The following MYOCD variants were observed in gnomAD, a reference collection of about 807,000 sequenced individuals.
MYOCD encodes the protein myocardin.
A neutral mutation model predicts 96.1 loss-of-function variants in MYOCD; 32 were observed. The ratio of observed to expected loss-of-function variants is 0.33; its 90% CI spans 0.25 to 0.45. The LOEUF is 0.45. Among genes scored for constraint, MYOCD ranks in the 20% least tolerant of loss-of-function variants. MYOCD has a pLI of 1.00. For missense variants in MYOCD, 1,133 were observed against 1,200.6 expected, an observed-to-expected ratio of 0.94 and a Z score of 0.83; for synonymous variants, 469 against 469.0, an observed-to-expected ratio of 1.00 and a Z score of 0.00.
chr17:12,691,708 A>G (rs1471578853), intron 1 of MYOCD, among the ~76,000 whole-genome samples: 1 of 152,198 alleles, frequency 6.6e-6, no homozygotes, highest in African/African-American at 2.4e-5. Context: ...TAATATGACT[A>G]AAGTTACTGT....
chr17:12,740,105 T>G (rs1285681838), intron 7 of MYOCD, among the ~76,000 whole-genome samples: 1 of 152,114 alleles, frequency 6.6e-6, no homozygotes, highest in Non-Finnish European at 1.5e-5. Context: ...CCGGCTAATT[T>G]TTTGTGTTTT....
chr17:12,694,361 G>A (rs1213500969), intron 1 of MYOCD, among the ~76,000 whole-genome samples: 2 of 152,194 alleles, frequency 1.3e-5, no homozygotes, highest in Non-Finnish European at 2.9e-5. Flanking sequence ...TCTGTCTGAA[G>A]TGTCAGGACT....
intron 12 of MYOCD, among the ~76,000 whole-genome samples, chr17:12,759,744 G>T (rs2033117720): frequency 6.6e-6 from 1 of 152,218 alleles, no homozygotes; most frequent in Non-Finnish European, 1.5e-5. Context: ...CTACTGCCAT[G>T]AGGAACCATC....
intron 1 of MYOCD, among the ~76,000 whole-genome samples, chr17:12,697,348 T>C (rs1472940979): frequency 1.2e-5 from 1 of 84,044 alleles, no homozygotes; most frequent in Non-Finnish European, 2.2e-5. Flanking sequence ...TATATATATA[T>C]ATATATATAT....
chr17:12,708,482 C>T (rs2031374903), intron 2 of MYOCD, among the ~76,000 whole-genome samples: 1 of 151,974 alleles, frequency 6.6e-6, no homozygotes, highest in Non-Finnish European at 1.5e-5. Flanking sequence ...CAACCTCCGT[C>T]TCCCAGGTTC....
At chr17:12,701,277 T>C (rs1275968486) in intron 1 of MYOCD, among the ~76,000 whole-genome samples, 1 of 152,136 alleles carries the variant, frequency 6.6e-6, no homozygotes, top group Admixed American at 6.6e-5. Flanking sequence ...CCTGGCATGG[T>C]GGTGCACGCT....
rs566146187 is a variant in MYOCD, at chr17:12,728,756, G to A, written c.415+5748G>A. 3.9e-5 allele frequency among the ~76,000 whole-genome samples: 6 copies of A among 152,316 alleles called. No homozygotes were observed. In the South Asian group the frequency reaches 1.0e-3, roughly 26 times the overall value. The stretch of plus-strand genomic sequence containing the variant: ...GGCCTCCCAAAGTGCTGAGATTACA[G>A]GCGTGAGCCACCGTGCCCAGCCAGT... On this transcript the variant is annotated intron_variant, in intron 5 of 13. Coordinates refer to ENST00000425538, the MANE Select transcript of MYOCD (RefSeq NM_001146312.3).
chr17:12,682,251 A>G (rs61526426), intron 1 of MYOCD, among the ~76,000 whole-genome samples: 17,881 of 152,236 alleles, frequency 0.12, 1,952 homozygotes, highest in African/African-American at 0.29. Context: ...AATGCCAGGC[A>G]AAGGAAAGAA....
intron 1 of MYOCD, among the ~76,000 whole-genome samples, chr17:12,668,047 T>G (rs2150623405): frequency 6.6e-6 from 1 of 152,336 alleles, no homozygotes; most frequent in South Asian, 2.1e-4. Flanking sequence ...AATGTAAAAC[T>G]TAGAAAATGT....
intron 2 of MYOCD, among the ~76,000 whole-genome samples, chr17:12,713,156 C>A (rs2031531793): frequency 1.3e-5 from 2 of 152,152 alleles, no homozygotes; most frequent in Admixed American, 1.3e-4. Flanking sequence ...CAAGTGCTTG[C>A]TAAATGGAGA....
At chr17:12,698,812 A>T (rs945697331) in intron 1 of MYOCD, among the ~76,000 whole-genome samples, 4 of 123,230 alleles carry the variant, frequency 3.2e-5, no homozygotes, top group African/African-American at 1.3e-4. Context: ...GCGTGATCTC[A>T]GCTCACTGCA....
At chr17:12,757,314 C>A (rs1022578830) in intron 11 of MYOCD, among the ~76,000 whole-genome samples, 2 of 152,082 alleles carry the variant, frequency 1.3e-5, no homozygotes, top group Admixed American at 1.3e-4. Flanking sequence ...TACCACAAGT[C>A]GGAAGGGGCA....
chr17:12,724,171 A>G (rs963950796), intron 5 of MYOCD, among the ~76,000 whole-genome samples: 12 of 152,154 alleles, frequency 7.9e-5, no homozygotes, highest in African/African-American at 2.9e-4. Flanking sequence ...GGGCAGGTAA[A>G]AATCTCCATC....
chr17:12,673,078 A>T (rs949457657), intron 1 of MYOCD, among the ~76,000 whole-genome samples: 12 of 151,932 alleles, frequency 7.9e-5, no homozygotes, highest in Non-Finnish European at 1.5e-4. Context: ...ACTAGAAAAT[A>T]CCCCATAAAC....
At position 12,684,973 on chromosome 17, in the gene MYOCD, A is replaced by G. The variant is rs2030024407; in HGVS notation, c.55+18730A>G. On this transcript the variant is annotated intron_variant, in intron 1 of 13. Transcript: ENST00000425538. ...CTTATGAAGCCAGCCCTGGGTAGGA[A>G]GTGCCATGTTTATTTGAGATTTAAG... 2.0e-5 allele frequency among the ~76,000 whole-genome samples: 3 copies of G among 152,028 alleles called. No individual in the cohort carries two copies. In the South Asian group the frequency reaches 6.2e-4, roughly 32 times the overall value.
chr17:12,682,836 C>G (rs974561529), intron 1 of MYOCD, among the ~76,000 whole-genome samples: 1 of 152,194 alleles, frequency 6.6e-6, no homozygotes, highest in Non-Finnish European at 1.5e-5. Context: ...CAAAGCTTTA[C>G]CTGGTTGTGC....
intron 2 of MYOCD, among the ~76,000 whole-genome samples, chr17:12,714,394 T>C (rs1462125036): frequency 6.7e-6 from 1 of 149,590 alleles, no homozygotes; most frequent in Non-Finnish European, 1.5e-5. Context: ...ATTTTTGTGC[T>C]GGCCAAGATT....
chr17:12,687,019 G>A (rs1440829263), intron 1 of MYOCD, among the ~76,000 whole-genome samples: 2 of 152,158 alleles, frequency 1.3e-5, no homozygotes, highest in African/African-American at 4.8e-5. Flanking sequence ...TCTCTTAGGA[G>A]GTTTGAGATT....
At chr17:12,715,690 C>A in intron 3 of MYOCD, 116 bp downstream of exon 3, 2 of 703,242 alleles carry the variant, frequency 2.8e-6, no homozygotes, top group Non-Finnish European at 4.8e-6. Flanking sequence ...ATTTGCCAGT[C>A]CCCTGCCCTC....
Sources: gnomAD v4.1 joint callset for allele counts (sites outside exome capture counted in the v4.1 genomes callset) on GRCh38, gnomAD v4.1.1 for gene constraint, MANE v1.5 for transcripts, NCBI Gene and HGNC (gene_info 2026-07-23, HGNC 2026-07-21) for gene names.